Variants in ZNF227 observed in about 807,000 individuals in gnomAD.
ZNF227 encodes zinc finger protein 227.
Under a neutral mutation model 13.2 loss-of-function variants are expected in ZNF227, and 12 were observed. That is an observed-to-expected ratio of 0.91 (90% confidence interval 0.58 to 1.47). ZNF227 has a LOEUF of 1.47. ZNF227 is among the 40% of genes most tolerant of loss of function. The pLI is 0.00. For missense variants in ZNF227, 885 were observed against 967.5 expected, an observed-to-expected ratio of 0.91 and a Z score of 1.13; for synonymous variants, 338 against 326.0, an observed-to-expected ratio of 1.04 and a Z score of -0.40.
intron 3 of ZNF227, among the ~76,000 whole-genome samples, chr19:44,225,117 G>C (rs1358698578): frequency 3.9e-5 from 6 of 152,096 alleles, no homozygotes; most frequent in South Asian, 4.2e-4. Context: ...CTGGCTTGTA[G>C]AGTTTCTGCC....
chr19:44,213,744 C>T (rs1310975126), intron 2 of ZNF227: 1 of 152,140 alleles, frequency 6.6e-6, no homozygotes, highest in Non-Finnish European at 1.5e-5. Flanking sequence ...GGAAATCAGC[C>T]TTGGGAATGT....
At chr19:44,217,899 C>G in intron 3 of ZNF227, 47 bp downstream of exon 3, 1 of 1,594,670 alleles carries the variant, frequency 6.3e-7, no homozygotes, top group Non-Finnish European at 8.6e-7. Context: ...ATTTATTTCT[C>G]AAAGATAACA....
intron 5 of ZNF227, among the ~76,000 whole-genome samples, chr19:44,230,926 A>AAAAAAAAAAAAAAAATAT (rs1555792168): frequency 8.8e-5 from 6 of 68,106 alleles, no homozygotes; most frequent in African/African-American, 4.9e-4. Context: ...AAAAAAAAAA[A>AAAAAAAAAAAAAAAATAT]ATATATATAT....
At chr19:44,212,795 T>G (rs1971471502) in intron 1 of ZNF227, 1 of 152,224 alleles carries the variant, frequency 6.6e-6, no homozygotes, top group South Asian at 2.1e-4. Flanking sequence ...TTACCTATGA[T>G]CCGCGCTCCT....
intron 3 of ZNF227, 22 bp downstream of exon 3, chr19:44,217,874 G>A (rs1972061694): frequency 6.2e-7 from 1 of 1,612,072 alleles, no homozygotes; most frequent in South Asian, 1.1e-5. Context: ...ATTCCTTGCT[G>A]TCTTTTAAAA....
Position 44,235,363 on chromosome 19 carries a change from T to C in ZNF227, c.933T>C (p.Phe311=). Residue 311 remains phenylalanine, a synonymous_variant, in exon 6 of 6, where the codon TTT becomes TTC. Transcript: ENST00000313040. The stretch of plus-strand genomic sequence containing the variant: ...GTGATTGCTTCAATAAGAGCTCTTT[T>C]CATTCTTATCAATCTAATCATACAG... ...ESGDCFNKSS[F]HSYQSNHTGE... The C allele has an allele frequency of 6.2e-7, 1 of 1,614,236 alleles. No individual in the cohort carries two copies. Among genetic ancestry groups the C allele is most frequent in the Non-Finnish European group, 8.5e-7 (1 of 1,180,036 alleles).
intron 5 of ZNF227, among the ~76,000 whole-genome samples, chr19:44,231,417 C>T (rs1973832568): frequency 6.6e-6 from 1 of 151,992 alleles, no homozygotes; most frequent in Admixed American, 6.6e-5. Flanking sequence ...CTCACTGCAA[C>T]CTTCGCCTCC....
chr19:44,230,562 C>T (rs1468560254), intron 5 of ZNF227, among the ~76,000 whole-genome samples: 2 of 152,116 alleles, frequency 1.3e-5, no homozygotes, highest in African/African-American at 4.8e-5. Context: ...CTAATTAGCT[C>T]TCCTCATTGC....
chr19:44,211,243 AAAAAAAG>A (rs1971354725), upstream of ZNF227, among the ~76,000 whole-genome samples: 1 of 151,950 alleles, frequency 6.6e-6, no homozygotes, highest in Admixed American at 6.6e-5. Flanking sequence ...CAGAACAAAA[AAAAAAAG>A]AAAAAAGTTG....
intron 1 of ZNF227, 192 bp downstream of exon 1, chr19:44,212,777 A>T (rs1971469918): frequency 6.6e-6 from 1 of 152,178 alleles, no homozygotes; most frequent in Non-Finnish European, 1.5e-5. Flanking sequence ...GGTATAATAA[A>T]CAGCGAGTTA....
chr19:44,210,314 C>T (rs868518786), upstream of ZNF227, among the ~76,000 whole-genome samples: 5 of 152,072 alleles, frequency 3.3e-5, no homozygotes, highest in African/African-American at 1.2e-4. Flanking sequence ...CATTTGCTAA[C>T]TTTTTATAGG....
intron 2 of ZNF227, among the ~76,000 whole-genome samples, chr19:44,216,680 G>A (rs1355596306): frequency 1.6e-5 from 1 of 64,506 alleles, no homozygotes; most frequent in Non-Finnish European, 2.6e-5. Context: ...TTGATTTTTC[G>A]TTTGTGCTTT....
rs369468643 is a variant in ZNF227 at position 44,224,908 on chromosome 19, G to A, written c.61-3538G>A. Reference sequence around the variant, plus strand: ...CATGATTTTGCAGTGGCTGGTACTGGTTGTTCCTTTCCATGTTTAGTGCTT... The same window carrying A: ...CATGATTTTGCAGTGGCTGGTACTGATTGTTCCTTTCCATGTTTAGTGCTT... On this transcript the variant is annotated intron_variant, in intron 3 of 5. Transcript: ENST00000313040. Among the ~76,000 whole-genome samples the A allele has an allele frequency of 3.0e-4, 46 of 152,316 alleles. No individual in the cohort carries two copies. The East Asian group carries it at 4.6e-3, about 15-fold the overall frequency.
At chr19:44,227,043 T>G (rs1409802516) in intron 3 of ZNF227, 1 of 152,190 alleles carries the variant, frequency 6.6e-6, no homozygotes, top group Non-Finnish European at 1.5e-5. Context: ...TAATTGTACA[T>G]TATTTGGATT....
At chr19:44,232,317 T>C (rs1973915404) in intron 5 of ZNF227, among the ~76,000 whole-genome samples, 1 of 152,240 alleles carries the variant, frequency 6.6e-6, no homozygotes. Flanking sequence ...GGGCATAGTT[T>C]TCCACAAGAC....
At chr19:44,212,271 A>G (rs1439387402), upstream of ZNF227, among the ~76,000 whole-genome samples, 1 of 151,766 alleles carries the variant, frequency 6.6e-6, no homozygotes, top group East Asian at 1.9e-4. Flanking sequence ...CTGGCTAAAC[A>G]GCAATAAGCC....
At chr19:44,227,955 T>G (rs1034099780) in intron 3 of ZNF227, among the ~76,000 whole-genome samples, 1 of 152,038 alleles carries the variant, frequency 6.6e-6, no homozygotes, top group African/African-American at 2.4e-5. Flanking sequence ...AGGGCCAGGC[T>G]CAGTGGCTCA....
In ZNF227 at chr19:44,236,542, C is replaced by T; in HGVS notation, c.2112C>T (p.Arg704=). 1 of 1,611,174 alleles carries T rather than the reference C, an allele frequency of 6.2e-7. No homozygotes were observed. Among genetic ancestry groups the T allele is most frequent in the Non-Finnish European group, 8.5e-7 (1 of 1,179,156 alleles). ...GCTTTGGTAGGAGCTTGAATCTTCG[C>T]CATCATCAGAGGGTCCACACGGGAG... The part of the protein sequence containing the change: ...GKGFGRSLNL[R]HHQRVHTGEK... The change falls in exon 6 of 6, where the codon CGC becomes CGT. Residue 704 remains arginine (R), a synonymous_variant. Coordinates refer to ENST00000313040, the MANE Select transcript of ZNF227 (RefSeq NM_182490.3).
At chr19:44,216,888 A>T (rs1188780620) in intron 2 of ZNF227, among the ~76,000 whole-genome samples, 4 of 152,110 alleles carry the variant, frequency 2.6e-5, no homozygotes, top group African/African-American at 9.7e-5. Context: ...GCTTTTCAGA[A>T]ATTAAAGGTG....
Sources: allele counts gnomAD v4.1 joint callset (sites outside exome capture counted in the v4.1 genomes callset), GRCh38; gene constraint gnomAD v4.1.1; transcripts MANE v1.5; gene names NCBI Gene and HGNC (gene_info 2026-07-23, HGNC 2026-07-21).